SLC44A5: variants seen among roughly 807,000 people sequenced by gnomAD.
SLC44A5 encodes the protein solute carrier family 44 member 5.
In SLC44A5, 57 loss-of-function variants were observed where a neutral mutation model predicts 101.8. The ratio of observed to expected loss-of-function variants is 0.56; its 90% CI spans 0.45 to 0.70. The LOEUF (loss-of-function observed/expected upper bound fraction) is 0.70. Ranked by LOEUF, SLC44A5 falls within the 30% of genes least tolerant of loss-of-function variation. SLC44A5 has a pLI of 0.00. For synonymous variants in SLC44A5, 281 were observed against 290.9 expected (o/e 0.97, Z 0.35); for missense variants, 737 against 853.1 (o/e 0.86, Z 1.70).
At chr1:75,239,815 G>A (rs149789821) in intron 9 of SLC44A5, among the ~76,000 whole-genome samples, 10 of 152,058 alleles carry the variant, frequency 6.6e-5, no homozygotes, top group Admixed American at 2.0e-4. Context: ...CCTAGCACAA[G>A]GCTTGGCACA....
the SLC44A5 span, among the ~76,000 whole-genome samples, chr1:75,632,100 G>A: frequency 1.3e-5 from 2 of 152,050 alleles, no homozygotes; most frequent in African/African-American, 2.4e-5. Flanking sequence ...TTCAGTCCTG[G>A]ATAAGGCTAC....
intron 1 of SLC44A5, among the ~76,000 whole-genome samples, chr1:75,564,793 T>C (rs560942010): frequency 1.3e-5 from 2 of 152,196 alleles, no homozygotes; most frequent in African/African-American, 4.8e-5. Flanking sequence ...CAGCTAATTT[T>C]TTGTATTTTT....
intron 3 of SLC44A5, among the ~76,000 whole-genome samples, chr1:75,355,702 C>G (rs1659012819): frequency 6.6e-6 from 1 of 152,098 alleles, no homozygotes. Context: ...GCCATTGTAA[C>G]TTCATAGCAC....
At chr1:75,386,666 A>C (rs1344868609) in intron 3 of SLC44A5, among the ~76,000 whole-genome samples, 4 of 152,150 alleles carry the variant, frequency 2.6e-5, no homozygotes, top group African/African-American at 9.7e-5. Flanking sequence ...TGCCATCCCT[A>C]TCAAGCTACC....
intron 6 of SLC44A5, among the ~76,000 whole-genome samples, chr1:75,260,004 G>T (rs1650353532): frequency 6.6e-6 from 1 of 152,132 alleles, no homozygotes; most frequent in Non-Finnish European, 1.5e-5. Flanking sequence ...CACCAGGCCT[G>T]CCCTAAAAGA....
intron 2 of SLC44A5, among the ~76,000 whole-genome samples, chr1:75,457,236 C>T (rs370321305): frequency 3.3e-5 from 5 of 152,012 alleles, no homozygotes; most frequent in East Asian, 1.9e-4. Context: ...AAGTGCCTAC[C>T]GTATGCTTGG....
rs912033701 is a variant in SLC44A5 at position 75,513,788 on chromosome 1, A to G, written c.13+27647T>C. ...CTCTTCTCTTCATTGTATGATGAGT[A>G]TATTGAATCTTATTCTAATTTTAAA... On this transcript the variant is annotated intron_variant, in intron 2 of 23. Transcript: ENST00000370859. 2.0e-5 allele frequency among the ~76,000 whole-genome samples: 3 copies of G among 152,158 alleles called. 1 individual carries two copies. The East Asian group carries it at 5.8e-4, about 29-fold the overall frequency.
chr1:75,482,088 C>A (rs1482830061), intron 2 of SLC44A5, among the ~76,000 whole-genome samples: 1 of 151,904 alleles, frequency 6.6e-6, no homozygotes, highest in African/African-American at 2.4e-5. Context: ...TACTATGCAG[C>A]CATAAAAAAT....
chr1:75,690,931 C>G, the SLC44A5 span, among the ~76,000 whole-genome samples: 29 of 151,890 alleles, frequency 1.9e-4, no homozygotes, highest in African/African-American at 7.0e-4. Context: ...AGTTCAAGAC[C>G]AGCCTGGGTG....
intron 4 of SLC44A5, among the ~76,000 whole-genome samples, chr1:75,309,715 A>T (rs920891732): frequency 6.6e-6 from 1 of 152,250 alleles, no homozygotes; most frequent in African/African-American, 2.4e-5. Flanking sequence ...TCCATAGCAA[A>T]GAAGCATAGG....
chr1:75,678,492 G>A, the SLC44A5 span, among the ~76,000 whole-genome samples: 1 of 151,360 alleles, frequency 6.6e-6, no homozygotes, highest in Admixed American at 6.6e-5. Flanking sequence ...GCACCCTCCA[G>A]CAGGGGCACA....
the SLC44A5 span, among the ~76,000 whole-genome samples, chr1:75,708,511 C>T: frequency 6.9e-6 from 1 of 145,048 alleles, no homozygotes; most frequent in Admixed American, 7.0e-5. Flanking sequence ...TGGATAAGTA[C>T]ACAGTGATAC....
At chr1:75,477,087 G>A (rs568241228) in intron 2 of SLC44A5, among the ~76,000 whole-genome samples, 30 of 152,310 alleles carry the variant, frequency 2.0e-4, no homozygotes, top group East Asian at 1.2e-3. Context: ...AGCAGCGTTC[G>A]CGGTTCATGA....
At chr1:75,250,780 G>A (rs1649502634) in intron 7 of SLC44A5, among the ~76,000 whole-genome samples, 1 of 152,154 alleles carries the variant, frequency 6.6e-6, no homozygotes, top group Admixed American at 6.5e-5. Flanking sequence ...GGAGCCTAGA[G>A]GAGAGTACCT....
At chr1:75,691,559 A>G in the SLC44A5 span, among the ~76,000 whole-genome samples, 2 of 152,180 alleles carry the variant, frequency 1.3e-5, no homozygotes, top group African/African-American at 4.8e-5. Context: ...AAACAAAATG[A>G]AAAAGGGGGA....
At chr1:75,333,069 A>C (rs1657169845) in intron 4 of SLC44A5, among the ~76,000 whole-genome samples, 1 of 152,176 alleles carries the variant, frequency 6.6e-6, no homozygotes, top group Non-Finnish European at 1.5e-5. Flanking sequence ...AGAACACAAA[A>C]TTTAAAAAAA....
intron 2 of SLC44A5, among the ~76,000 whole-genome samples, chr1:75,441,261 A>T (rs1665179774): frequency 6.6e-6 from 1 of 152,126 alleles, no homozygotes; most frequent in South Asian, 2.1e-4. Context: ...ATTAGACAAA[A>T]CTATTCTGCC....
intron 2 of SLC44A5, among the ~76,000 whole-genome samples, chr1:75,448,284 T>C (rs572910972): frequency 1.3e-5 from 2 of 152,212 alleles, no homozygotes; most frequent in Admixed American, 1.3e-4. Flanking sequence ...CAAGTCTGCA[T>C]AGATGGAAAC....
intron 2 of SLC44A5, among the ~76,000 whole-genome samples, chr1:75,413,048 G>A (rs150182863): frequency 1.3e-5 from 2 of 152,280 alleles, no homozygotes; most frequent in African/African-American, 4.8e-5. Flanking sequence ...GAAGAAGGGT[G>A]AGTATAGTAC....
Sources: allele counts gnomAD v4.1 joint callset (sites outside exome capture counted in the v4.1 genomes callset), GRCh38; gene constraint gnomAD v4.1.1; transcripts MANE v1.5; gene names NCBI Gene and HGNC (gene_info 2026-07-23, HGNC 2026-07-21).